The following TPST2 variants were observed in gnomAD, a reference collection of about 807,000 sequenced individuals.
The protein encoded by TPST2 is tyrosylprotein sulfotransferase 2.
In TPST2, 16 loss-of-function variants were observed where a neutral mutation model predicts 27.8. The ratio of observed to expected loss-of-function variants is 0.58; its 90% confidence interval spans 0.39 to 0.88. The LOEUF is 0.88. TPST2 is among the 40% of genes least tolerant of loss of function. TPST2 has a pLI of 0.00. For synonymous variants in TPST2, 229 were observed against 231.7 expected (o/e 0.99, Z 0.10); for missense variants, 464 against 543.1 (o/e 0.85, Z 1.45).
rs1334414553 is a variant in TPST2, at chr22:26,541,627, G to A, written c.4C>T (p.Arg2Cys). 5.1e-6 allele frequency: 8 copies of A among 1,569,214 alleles called. No individual in the cohort carries two copies. The highest frequency in any genetic ancestry group is 4.7e-5 in the East Asian group (2 of 42,876). Reference sequence around the variant, plus strand: ...AGCAGCACCCTCCGCACCGACAGGCGCATGCTGGGCCGGAGGCAGGGTAGG... The same window carrying A: ...AGCAGCACCCTCCGCACCGACAGGCACATGCTGGGCCGGAGGCAGGGTAGG... M[R>C]LSVRRVLLAA... is the part of the protein sequence containing the mutation. The change falls in exon 3 of 7, where the codon CGC becomes TGC. Residue 2 changes from arginine (R) to cysteine (C), a missense_variant. Physicochemically the swap from Arg to Cys is radical, Grantham distance 180. Coordinates refer to ENST00000338754, the MANE Select transcript of TPST2 (RefSeq NM_003595.5). This position sits in a 1 kb window ranked among gnomAD's most constrained non-coding sequence, Gnocchi z 5.9.
At chr22:26,578,531 G>A (rs1238870072) in intron 1 of TPST2, among the ~76,000 whole-genome samples, 1 of 152,076 alleles carries the variant, frequency 6.6e-6, no homozygotes, top group Non-Finnish European at 1.5e-5. Flanking sequence ...TGTGCCATGG[G>A]GACTATGCCT....
chr22:26,531,493 CCA>C (rs771905138), intron 5 of TPST2, among the ~76,000 whole-genome samples: 1 of 152,208 alleles, frequency 6.6e-6, no homozygotes. Context: ...CATACGCACT[CCA>C]GAGGTTTCGG....
intron 1 of TPST2, among the ~76,000 whole-genome samples, chr22:26,573,371 G>A (rs1927708258): frequency 6.6e-6 from 1 of 152,170 alleles, no homozygotes; most frequent in Admixed American, 6.6e-5. Flanking sequence ...GTGACAGCTG[G>A]GGCCAGTCAC....
At chr22:26,580,243 G>C (rs546423524) in intron 1 of TPST2, among the ~76,000 whole-genome samples, 45 of 152,122 alleles carry the variant, frequency 3.0e-4, no homozygotes, top group Middle Eastern at 3.2e-3. Flanking sequence ...AAAAAAGAAA[G>C]AAAGAAAAGA....
Position 26,559,611 on chromosome 22 carries a change from G to A in TPST2, c.-160-14936C>T, listed in dbSNP as rs372371305. ...CTCTACTTTCCGTCTCTATGAGTTC[G>A]CCTATTCTGAACATTTCATAAAAAT... On this transcript the variant is annotated intron_variant, in intron 1 of 6. Coordinates refer to ENST00000338754, the MANE Select transcript of TPST2 (RefSeq NM_003595.5). Among the ~76,000 whole-genome samples, 537 of 152,194 alleles carry A rather than the reference G, an allele frequency of 3.5e-3. 2 individuals carry two copies. Among genetic ancestry groups the A allele is most frequent in the African/African-American group, 0.012 (511 of 41,516 alleles).
In TPST2 at chr22:26,541,369, G is replaced by C; in HGVS notation, c.262C>G (p.Leu88Val). 6.4e-7 allele frequency: 1 copy of C among 1,555,992 alleles called. No homozygotes were observed. The highest frequency in any genetic ancestry group is 8.7e-7 in the Non-Finnish European group (1 of 1,150,118). ...RSGTTLMRAM[L>V]DAHPEVRCGE... is the part of the protein sequence containing the mutation. Reference sequence around the variant, plus strand: ...CAGCGCACCTCGGGGTGCGCGTCCAGCATGGCGCGCATCAACGTGGTGCCA... The same window carrying C: ...CAGCGCACCTCGGGGTGCGCGTCCACCATGGCGCGCATCAACGTGGTGCCA... Residue 88 changes from leucine (L) to valine (V), a missense_variant, in exon 3 of 7, where the codon CTG becomes GTG. By Grantham distance (32) the Leu-to-Val change is conservative. Coordinates refer to ENST00000338754, the MANE Select transcript of TPST2 (RefSeq NM_003595.5). This position sits in a 1 kb window ranked among gnomAD's most constrained non-coding sequence, Gnocchi z 5.9.
At chr22:26,530,959 A>C (rs1925125589) in intron 5 of TPST2, among the ~76,000 whole-genome samples, 1 of 152,168 alleles carries the variant, frequency 6.6e-6, no homozygotes. Context: ...CAGTGAGCCG[A>C]GATCACCGCA....
intron 4 of TPST2, among the ~76,000 whole-genome samples, chr22:26,535,324 T>C (rs1925392500): frequency 6.6e-6 from 1 of 152,214 alleles, no homozygotes; most frequent in Non-Finnish European, 1.5e-5. Flanking sequence ...CTGTGAAAGC[T>C]CTTCCTCAGG....
intron 1 of TPST2, among the ~76,000 whole-genome samples, chr22:26,578,104 A>G (rs1328407580): frequency 2.0e-5 from 3 of 152,234 alleles, no homozygotes; most frequent in African/African-American, 7.2e-5. Flanking sequence ...TCAATTATAT[A>G]GGCTGGTCTT....
chr22:26,570,076 AAAG>A (rs1175508620), intron 1 of TPST2, among the ~76,000 whole-genome samples: 1 of 151,240 alleles, frequency 6.6e-6, no homozygotes, highest in Non-Finnish European at 1.5e-5. Context: ...GGAAAGAAAG[AAAG>A]AAAGAAAAGA....
chr22:26,532,480 C>T (rs4149482), intron 5 of TPST2, among the ~76,000 whole-genome samples: 20,450 of 152,144 alleles, frequency 0.13, 1,484 homozygotes, highest in Non-Finnish European at 0.15. Context: ...GGGGTTTCAC[C>T]GTTTTGGTCA....
intron 1 of TPST2, among the ~76,000 whole-genome samples, chr22:26,547,287 A>C (rs1480700470): frequency 1.3e-5 from 2 of 151,856 alleles, no homozygotes; most frequent in African/African-American, 2.4e-5. Flanking sequence ...TTGTGTAGAG[A>C]TGGAGTCCCG....
chr22:26,544,835 A>G (rs546266768), intron 1 of TPST2, among the ~76,000 whole-genome samples, 160 bp from the exon 2 acceptor site: 17 of 152,312 alleles, frequency 1.1e-4, no homozygotes, highest in Non-Finnish European at 7.4e-5. Flanking sequence ...AGCTCAAGAT[A>G]CCACAGCTGG....
chr22:26,576,999 A>G (rs766361759), intron 1 of TPST2, among the ~76,000 whole-genome samples: 34 of 151,384 alleles, frequency 2.2e-4, no homozygotes, highest in Non-Finnish European at 2.9e-4. Flanking sequence ...GGGAGGCTGA[A>G]GCAGGAGAAT....
At chr22:26,566,089 C>A (rs1373172850) in intron 1 of TPST2, among the ~76,000 whole-genome samples, 1 of 152,194 alleles carries the variant, frequency 6.6e-6, no homozygotes, top group Non-Finnish European at 1.5e-5. Flanking sequence ...TGCAGCCACA[C>A]GTGGTTTGTG....
At chr22:26,584,274 G>A (rs1186973179) in intron 1 of TPST2, among the ~76,000 whole-genome samples, 11 of 152,182 alleles carry the variant, frequency 7.2e-5, no homozygotes, top group African/African-American at 2.7e-4. Flanking sequence ...GTGCATGAGA[G>A]TGTGGGAGTG....
chr22:26,577,649 ATTTTTT>A (rs771843747), intron 1 of TPST2, among the ~76,000 whole-genome samples: 5 of 93,386 alleles, frequency 5.4e-5, no homozygotes, highest in African/African-American at 2.2e-4. Context: ...GCACCCGGCC[ATTTTTT>A]TTTTTTTTTT....
intron 1 of TPST2, among the ~76,000 whole-genome samples, chr22:26,569,980 GAA>G: frequency 5.0e-5 from 1 of 19,952 alleles, no homozygotes; most frequent in South Asian, 2.3e-3. Context: ...AAGAAAGAAA[GAA>G]AAGAAAGAAA....
In TPST2 at chr22:26,588,869, GAGAGGTGTCCACCCACAGCC is replaced by G. The variant is rs1447828353; in HGVS notation, c.-161+1164_-161+1183del. ...AAAGGGTTATCACATGGAGGCTAGG[GAGAGGTGTCCACCCACAGCC>G]CAGTCTGGCAGACAGACATGCAAGG... On this transcript the variant is annotated intron_variant, in intron 1 of 6. Transcript: ENST00000338754. Among the ~76,000 whole-genome samples, 5 of 152,302 alleles carry G rather than the reference GAGAGGTGTCCACCCACAGCC, an allele frequency of 3.3e-5. No homozygotes were observed. The East Asian group carries it at 9.6e-4, about 29-fold the overall frequency.
Sources: gnomAD v4.1 joint callset for allele counts (sites outside exome capture counted in the v4.1 genomes callset) on GRCh38, gnomAD v4.1.1 for gene constraint, Gnocchi (gnomAD v3.1) non-coding constraint, MANE v1.5 for transcripts, NCBI Gene and HGNC (gene_info 2026-07-23, HGNC 2026-07-21) for gene names.